The following MAD1L1 variants were observed in gnomAD, a reference collection of about 807,000 sequenced individuals.
MAD1L1 encodes mitotic spindle assembly checkpoint protein MAD1.
A neutral mutation model predicts 96.9 loss-of-function variants in MAD1L1; 95 were observed. The ratio of observed to expected loss-of-function variants is 0.98; its 90% confidence interval spans 0.83 to 1.16. The LOEUF (loss-of-function observed/expected upper bound fraction) is 1.16, where lower values mean the gene tolerates loss of function less well. Among genes scored for constraint, MAD1L1 ranks in the 50% most tolerant of loss-of-function variants. The probability of loss-of-function intolerance (pLI) is 0.00; values close to 1 mark genes in which losing one functional copy is unlikely to be tolerated. For synonymous variants in MAD1L1, 473 were observed against 396.6 expected (o/e 1.19, Z -2.29); for missense variants, 1,007 against 954.4 (o/e 1.06, Z -0.73).
chr7:1,995,508 G>A (rs910454499), intron 14 of MAD1L1, among the ~76,000 whole-genome samples: 2 of 152,212 alleles, frequency 1.3e-5, no homozygotes, highest in Non-Finnish European at 2.9e-5. Context: ...GCTGAGGGAA[G>A]GGACCAGTTG....
At chr7:2,094,118 G>A (rs970678570) in intron 11 of MAD1L1, among the ~76,000 whole-genome samples, 2 of 152,240 alleles carry the variant, frequency 1.3e-5, no homozygotes, top group Non-Finnish European at 2.9e-5. Flanking sequence ...CCAGCCATGA[G>A]CAAACTCACA....
At chr7:1,833,954 A>G (rs928508921) in intron 18 of MAD1L1, among the ~76,000 whole-genome samples, 1 of 152,256 alleles carries the variant, frequency 6.6e-6, no homozygotes, top group Non-Finnish European at 1.5e-5. Flanking sequence ...CTCCAAAAAA[A>G]GTAGAAGGAT....
At chr7:1,936,599 G>A (rs1423567892) in intron 17 of MAD1L1, 88 bp downstream of exon 17, 1 of 1,334,690 alleles carries the variant, frequency 7.5e-7, no homozygotes, top group East Asian at 2.5e-5. Context: ...TGACAGGCAG[G>A]GGCGCCTGAG....
intron 18 of MAD1L1, among the ~76,000 whole-genome samples, chr7:1,834,009 G>A (rs1782829085): frequency 6.6e-6 from 1 of 152,192 alleles, no homozygotes; most frequent in Non-Finnish European, 1.5e-5. Context: ...GAAATTAAAT[G>A]AGAAATTAGT....
chr7:2,213,314 C>A (rs1793082252), intron 9 of MAD1L1, 41 bp from the exon 10 acceptor site: 1 of 1,568,308 alleles, frequency 6.4e-7, no homozygotes, highest in African/African-American at 1.4e-5. Context: ...CATCACCTGC[C>A]ACAGGATCAT....
At chr7:1,861,414 C>A (rs1784540157) in intron 18 of MAD1L1, among the ~76,000 whole-genome samples, 1 of 151,552 alleles carries the variant, frequency 6.6e-6, no homozygotes, top group African/African-American at 2.4e-5. Flanking sequence ...CGCCTGCCCC[C>A]TGGTTGGAGG....
intron 17 of MAD1L1, among the ~76,000 whole-genome samples, chr7:1,907,952 G>A (rs891553492): frequency 2.6e-5 from 4 of 152,218 alleles, no homozygotes; most frequent in East Asian, 1.9e-4. Context: ...TGCAGTGTGC[G>A]GCCCCCTCAG....
intron 18 of MAD1L1, among the ~76,000 whole-genome samples, chr7:1,818,670 C>T (rs919156672): frequency 1.3e-5 from 2 of 152,102 alleles, no homozygotes; most frequent in African/African-American, 2.4e-5. Flanking sequence ...CTGCCCACGA[C>T]GTGAGGATTA....
At chr7:2,036,722 C>G (rs939633086) in intron 12 of MAD1L1, among the ~76,000 whole-genome samples, 1 of 152,126 alleles carries the variant, frequency 6.6e-6, no homozygotes, top group Non-Finnish European at 1.5e-5. Flanking sequence ...TCCCACCTCC[C>G]CAAGGCCAGG....
chr7:2,229,607 C>T, intron 3 of MAD1L1, among the ~76,000 whole-genome samples: 1 of 152,362 alleles, frequency 6.6e-6, no homozygotes, highest in East Asian at 1.9e-4. Flanking sequence ...CACTGTGTTT[C>T]CAACACAGCC....
chr7:2,184,234 A>AGAGC (rs1791351589), intron 10 of MAD1L1, among the ~76,000 whole-genome samples: 1 of 152,146 alleles, frequency 6.6e-6, no homozygotes, highest in South Asian at 2.1e-4. Flanking sequence ...CCTGGGCAAC[A>AGAGC]GAGCGAGACT....
intron 18 of MAD1L1, among the ~76,000 whole-genome samples, chr7:1,877,717 G>T (rs1241524825): frequency 6.6e-6 from 1 of 152,122 alleles, no homozygotes; most frequent in Non-Finnish European, 1.5e-5. Flanking sequence ...TATTAAAATT[G>T]TAAGAAAGCA....
At chr7:2,097,861 C>A (rs1786573072) in intron 11 of MAD1L1, among the ~76,000 whole-genome samples, 1 of 152,336 alleles carries the variant, frequency 6.6e-6, no homozygotes, top group Non-Finnish European at 1.5e-5. Flanking sequence ...GAGGCTCATG[C>A]CTGGGCAGTG....
At chr7:2,022,088 TG>T (rs775814874) in intron 12 of MAD1L1, among the ~76,000 whole-genome samples, 16 of 152,144 alleles carry the variant, frequency 1.1e-4, no homozygotes, top group Admixed American at 3.3e-4. Context: ...CCCAAGTCGC[TG>T]GGACTGCAGC....
intron 10 of MAD1L1, among the ~76,000 whole-genome samples, chr7:2,190,212 T>G (rs2128606161): frequency 6.6e-6 from 1 of 152,244 alleles, no homozygotes; most frequent in Admixed American, 6.5e-5. Context: ...GACAGACACA[T>G]GATTCAATGA....
chr7:1,911,072 G>A (rs879574188), intron 17 of MAD1L1, among the ~76,000 whole-genome samples: 14 of 176 alleles, frequency 0.08, no homozygotes, highest in African/African-American at 0.11. Context: ...AACTGCAGGC[G>A]TGCCTCATGT....
intron 18 of MAD1L1, among the ~76,000 whole-genome samples, chr7:1,822,480 C>A (rs1195752306): frequency 1.4e-5 from 2 of 144,324 alleles, no homozygotes; most frequent in Non-Finnish European, 3.0e-5. Flanking sequence ...CTTATTCTGT[C>A]ACCCAGGCTG....
intron 13 of MAD1L1, among the ~76,000 whole-genome samples, chr7:2,008,765 A>G (rs1782150599): frequency 7.7e-6 from 1 of 129,848 alleles, no homozygotes; most frequent in Non-Finnish European, 1.7e-5. Flanking sequence ...GACACGCAGG[A>G]AGCTCAGGGG....
chr7:1,896,636 A>G (rs4721170), intron 18 of MAD1L1, among the ~76,000 whole-genome samples: 104,769 of 152,194 alleles, frequency 0.69, 36,516 homozygotes, highest in African/African-American at 0.8. Flanking sequence ...GACAGCGGCC[A>G]CCTTTCGCGG....
Sources: gnomAD v4.1 joint callset for allele counts (sites outside exome capture counted in the v4.1 genomes callset) on GRCh38, gnomAD v4.1.1 for gene constraint, MANE v1.5 for transcripts, NCBI Gene and HGNC (gene_info 2026-07-23, HGNC 2026-07-21) for gene names.